Variants in LRP1B observed in about 807,000 individuals in gnomAD.
LRP1B encodes the protein LDL receptor related protein 1B.
Under a neutral mutation model 556.6 loss-of-function variants are expected in LRP1B, and 217 were observed. The observed-to-expected ratio is 0.39, with a 90% CI of 0.35 to 0.44. The LOEUF (loss-of-function observed/expected upper bound fraction) is 0.44, where lower values mean the gene tolerates loss of function less well. Among genes scored for constraint, LRP1B ranks in the 20% least tolerant of loss-of-function variants. LRP1B has a pLI of 1.00. For synonymous variants in LRP1B, 2,047 were observed against 1,865.8 expected, an observed-to-expected ratio of 1.10 and a Z score of -2.50; for missense variants, 5,053 against 5,620.8, an observed-to-expected ratio of 0.90 and a Z score of 3.23.
Position 140,384,368 on chromosome 2 carries a change from C to A in LRP1B, c.10531+1525G>T, listed in dbSNP as rs142996164. On this transcript the variant is annotated intron_variant, in intron 67 of 90. Transcript: ENST00000389484. ...TTTATATTTATGCTTCTATCCCTACCAGCTCCACCCCGTCAGAATTTTATT... is the reference window on the plus strand; with the variant it reads ...TTTATATTTATGCTTCTATCCCTACAAGCTCCACCCCGTCAGAATTTTATT... 4.9e-3 allele frequency among the ~76,000 whole-genome samples: 742 copies of A among 152,106 alleles called. 4 individuals carry two copies. The highest frequency in any genetic ancestry group is 0.017 in the African/African-American group (707 of 41,508).
intron 3 of LRP1B, among the ~76,000 whole-genome samples, chr2:141,418,981 G>A (rs1680038946): frequency 6.6e-6 from 1 of 151,866 alleles, no homozygotes; most frequent in African/African-American, 2.4e-5. Flanking sequence ...TTATAAATGG[G>A]ATTCTTTTCT....
intron 2 of LRP1B, among the ~76,000 whole-genome samples, chr2:141,543,941 C>T (rs535080837): frequency 2.0e-5 from 3 of 152,006 alleles, no homozygotes; most frequent in African/African-American, 7.2e-5. Flanking sequence ...TCCCATCCTC[C>T]CCAATCCCAA....
chr2:140,480,917 A>G (rs1688209612), intron 59 of LRP1B, among the ~76,000 whole-genome samples: 1 of 152,060 alleles, frequency 6.6e-6, no homozygotes, highest in South Asian at 2.1e-4. Flanking sequence ...TGCAGGCTGG[A>G]GTGCAGTGGC....
intron 60 of LRP1B, among the ~76,000 whole-genome samples, chr2:140,459,801 A>G (rs191579940): frequency 2.6e-5 from 4 of 151,930 alleles, no homozygotes; most frequent in Admixed American, 2.6e-4. Context: ...ATGGGGGCGG[A>G]TTTCTCCCTT....
At chr2:140,394,158 C>T (rs1684152646) in intron 66 of LRP1B, among the ~76,000 whole-genome samples, 1 of 141,400 alleles carries the variant, frequency 7.1e-6, no homozygotes, top group Admixed American at 7.2e-5. Context: ...TGCATACGCA[C>T]TTAGTAAATA....
intron 2 of LRP1B, among the ~76,000 whole-genome samples, chr2:141,801,415 A>C (rs992537837): frequency 6.6e-6 from 1 of 152,024 alleles, no homozygotes; most frequent in African/African-American, 2.4e-5. Context: ...TGGCTTCCTT[A>C]AACACTGGGA....
chr2:140,885,262 A>C (rs1288810103), intron 24 of LRP1B, among the ~76,000 whole-genome samples: 1 of 152,158 alleles, frequency 6.6e-6, no homozygotes, highest in Non-Finnish European at 1.5e-5. Flanking sequence ...GGTGATTTAC[A>C]ATGGAATTAA....
chr2:141,111,364 A>C lies in LRP1B; in HGVS notation c.1014-49091T>G, dbSNP rs1004125192. On this transcript the variant is annotated intron_variant, in intron 7 of 90. Transcript: ENST00000389484. ...CAAACAAGTACAGTTAATCCTCATT[A>C]TTCAGATTTCATATTTGCAAATTTG... 3.7e-4 allele frequency among the ~76,000 whole-genome samples: 19 copies of C among 51,330 alleles called. 1 individual carries two copies. The highest frequency in any genetic ancestry group is 7.0e-4 in the African/African-American group (16 of 22,942). The allele number at this position is 51,330 out of a possible 152,430, so 33.7% of individuals were successfully genotyped here. A position where few individuals can be genotyped will look rare whatever the true frequency, so the allele number is the denominator to read the frequency against.
chr2:140,669,057 T>C (rs1685388699), intron 41 of LRP1B, among the ~76,000 whole-genome samples: 1 of 152,198 alleles, frequency 6.6e-6, no homozygotes, highest in East Asian at 1.9e-4. Context: ...GAGTCTGAAA[T>C]AGGAATGTTA....
At chr2:141,122,801 G>C (rs1701094660) in intron 7 of LRP1B, among the ~76,000 whole-genome samples, 1 of 152,102 alleles carries the variant, frequency 6.6e-6, no homozygotes. Flanking sequence ...ACATGCACAT[G>C]TATGTTTATA....
At chr2:140,357,674 A>G (rs1048798317) in intron 74 of LRP1B, among the ~76,000 whole-genome samples, 11 of 151,610 alleles carry the variant, frequency 7.3e-5, no homozygotes, top group African/African-American at 2.4e-4. Flanking sequence ...ACTTAACACT[A>G]AATTTGTATA....
At chr2:140,271,514 A>G (rs947890762) in intron 85 of LRP1B, among the ~76,000 whole-genome samples, 1 of 151,958 alleles carries the variant, frequency 6.6e-6, no homozygotes, top group African/African-American at 2.4e-5. Flanking sequence ...GTGCATGTTT[A>G]TTTGACCTCA....
intron 2 of LRP1B, among the ~76,000 whole-genome samples, chr2:141,750,962 A>T (rs1694089833): frequency 6.6e-6 from 1 of 152,176 alleles, no homozygotes; most frequent in East Asian, 1.9e-4. Flanking sequence ...TCCTTGCTCC[A>T]GGAATTATTA....
chr2:140,731,312 T>C (rs1401174063), intron 35 of LRP1B, among the ~76,000 whole-genome samples: 8 of 152,266 alleles, frequency 5.3e-5, no homozygotes, highest in South Asian at 2.1e-4. Context: ...TCACAATGTC[T>C]TCCTCCAGCT....
At chr2:141,901,099 C>T (rs1034065701) in intron 1 of LRP1B, among the ~76,000 whole-genome samples, 1 of 152,042 alleles carries the variant, frequency 6.6e-6, no homozygotes, top group African/African-American at 2.4e-5. Flanking sequence ...ATTCATTTAT[C>T]CAGTCCACAA....
At chr2:141,719,640 G>T (rs1692743863) in intron 2 of LRP1B, among the ~76,000 whole-genome samples, 1 of 151,986 alleles carries the variant, frequency 6.6e-6, no homozygotes, top group African/African-American at 2.4e-5. Flanking sequence ...CACCAACAAT[G>T]CATTGGATAA....
intron 1 of LRP1B, among the ~76,000 whole-genome samples, chr2:141,891,114 A>C (rs1379121990): frequency 6.6e-6 from 1 of 152,162 alleles, no homozygotes; most frequent in South Asian, 2.1e-4. Flanking sequence ...AAATATTCAG[A>C]GAAACTCTCC....
chr2:140,341,948 A>G lies in LRP1B; in HGVS notation c.11893-6110T>C, dbSNP rs1037474914. On this transcript the variant is annotated intron_variant, in intron 77 of 90. Coordinates refer to ENST00000389484, the MANE Select transcript of LRP1B (RefSeq NM_018557.3). ...TAACTTAATGAACTCCAGGGAGAAG[A>G]GAGGGAAAGTTAAATCGAGGTTTTT... Among the ~76,000 whole-genome samples, 7 of 151,352 alleles carry G rather than the reference A, an allele frequency of 4.6e-5. No individual in the cohort carries two copies. The South Asian group carries it at 1.5e-3, about 31-fold the overall frequency.
chr2:141,286,409 G>A (rs1217900645), intron 3 of LRP1B, among the ~76,000 whole-genome samples: 5 of 151,924 alleles, frequency 3.3e-5, no homozygotes, highest in African/African-American at 1.2e-4. Flanking sequence ...ATTTGCCATT[G>A]TTACTATTAT....
Sources: gnomAD v4.1 joint callset for allele counts (sites outside exome capture counted in the v4.1 genomes callset) on GRCh38, gnomAD v4.1.1 for gene constraint, MANE v1.5 for transcripts, NCBI Gene and HGNC (gene_info 2026-07-23, HGNC 2026-07-21) for gene names.